PREP: variants seen among roughly 807,000 people sequenced by gnomAD.
PREP encodes prolyl endopeptidase.
In PREP, 29 loss-of-function variants were observed where a neutral mutation model predicts 87.6. The observed-to-expected ratio is 0.33, with a 90% CI of 0.25 to 0.45. PREP has a LOEUF of 0.45. Ranked by LOEUF, PREP falls within the 20% of genes least tolerant of loss-of-function variation. PREP has a pLI of 1.00. For missense variants in PREP, 695 were observed against 886.5 expected, an observed-to-expected ratio of 0.78 and a Z score of 2.74; for synonymous variants, 337 against 328.6, an observed-to-expected ratio of 1.03 and a Z score of -0.28.
chr6:105,300,646 A>G (rs2114626081), intron 10 of PREP, among the ~76,000 whole-genome samples: 1 of 152,308 alleles, frequency 6.6e-6, no homozygotes, highest in South Asian at 2.1e-4. Flanking sequence ...CTACTGAAGA[A>G]ATGGTGTACA....
At chr6:105,290,734 C>T (rs1004105485) in intron 10 of PREP, among the ~76,000 whole-genome samples, 1 of 152,190 alleles carries the variant, frequency 6.6e-6, no homozygotes, top group African/African-American at 2.4e-5. Flanking sequence ...CAAAGGCATC[C>T]TTGGAGAAAA....
intron 10 of PREP, among the ~76,000 whole-genome samples, chr6:105,320,732 T>G (rs1149322): frequency 0.032 from 4,868 of 152,308 alleles, 254 homozygotes; most frequent in African/African-American, 0.1. Flanking sequence ...TCAAGTCACC[T>G]ATGAGGTAAA....
rs145945948 is a variant in PREP, at chr6:105,384,451, A to G, written c.121-6932T>C. 5.1e-4 allele frequency among the ~76,000 whole-genome samples: 78 copies of G among 152,346 alleles called. No individual in the cohort carries two copies. In the East Asian group the frequency reaches 0.01, roughly 20 times the overall value. On this transcript the variant is annotated intron_variant, in intron 2 of 14. Coordinates refer to ENST00000652536, the MANE Select transcript of PREP (RefSeq NM_002726.5). ...CCCTCTTTCTCCATCAGATCGTATC[A>G]TCTGCAATTGAGCATTCTCAGTGAG...
chr6:105,350,126 TG>T lies in PREP; in HGVS notation c.823+2845del, dbSNP rs572616656. ...TCTGCAGATAGACTTTTTTTTGTTTTGTTTTTTTGGTGTCCTCAATCTAGTT... is the reference window on the plus strand; with the variant it reads ...TCTGCAGATAGACTTTTTTTTGTTTTTTTTTTTGGTGTCCTCAATCTAGTT... On this transcript the variant is annotated intron_variant, in intron 7 of 14. Transcript: ENST00000652536. Among the ~76,000 whole-genome samples the T allele has an allele frequency of 2.2e-4, 33 of 152,284 alleles. 1 individual carries two copies. Among genetic ancestry groups the T allele is most frequent in the Admixed American group, 2.0e-3 (30 of 15,294 alleles).
intron 11 of PREP, 126 bp from the exon 12 acceptor site, chr6:105,285,706 A>G: frequency 1.4e-6 from 1 of 699,232 alleles, no homozygotes; most frequent in Non-Finnish European, 2.5e-6. Context: ...TAGGAGCTTG[A>G]CATTTCTTTT....
chr6:105,333,237 A>T, intron 8 of PREP, 77 bp downstream of exon 8: 2 of 1,368,882 alleles, frequency 1.5e-6, no homozygotes, highest in Non-Finnish European at 2.1e-6. Flanking sequence ...AGATCACTAG[A>T]GAATGAGAGA....
At chr6:105,352,167 A>G (rs954228228) in intron 7 of PREP, among the ~76,000 whole-genome samples, 6 of 152,204 alleles carry the variant, frequency 3.9e-5, no homozygotes, top group Admixed American at 3.3e-4. Flanking sequence ...TGCATTAACT[A>G]GAAGATAATG....
chr6:105,353,465 T>C (rs1203568581), intron 6 of PREP, among the ~76,000 whole-genome samples: 1 of 152,122 alleles, frequency 6.6e-6, no homozygotes, highest in Non-Finnish European at 1.5e-5. Flanking sequence ...AGTTTGTTGT[T>C]CTCAATAAAA....
chr6:105,373,617 G>T, intron 4 of PREP, 39 bp from the exon 5 acceptor site: 2 of 1,571,464 alleles, frequency 1.3e-6, no homozygotes, highest in Middle Eastern at 1.7e-4. Context: ...GACAAACACG[G>T]AACACAACTC....
intron 11 of PREP, among the ~76,000 whole-genome samples, chr6:105,285,925 G>A (rs532710182): frequency 7.9e-5 from 12 of 152,080 alleles, no homozygotes; most frequent in Non-Finnish European, 1.5e-4. Flanking sequence ...ACAGGTGTGC[G>A]CCACCATGCC....
rs149976302 is a variant in PREP at position 105,385,217 on chromosome 6, G to C, written c.121-7698C>G. The stretch of plus-strand genomic sequence containing the variant: ...AAAATAAAAAATTTTAAAATAACAA[G>C]AGAAAATAAGAAATCAATGAACTAG... On this transcript the variant is annotated intron_variant, in intron 2 of 14. Coordinates refer to ENST00000652536, the MANE Select transcript of PREP (RefSeq NM_002726.5). 1.1e-3 allele frequency among the ~76,000 whole-genome samples: 150 copies of C among 136,894 alleles called. 1 individual carries two copies. The highest frequency in any genetic ancestry group is 3.9e-3 in the African/African-American group (143 of 36,908). 89.8% of individuals were successfully genotyped at this position (136,894 alleles called of 152,430 possible).
intron 14 of PREP, 103 bp downstream of exon 14, chr6:105,281,643 G>A (rs573099119): frequency 4.3e-6 from 6 of 1,387,938 alleles, no homozygotes; most frequent in African/African-American, 2.9e-5. Context: ...ATATGCAAAT[G>A]CAAGACCCTG....
chr6:105,354,643 C>T (rs1772044619), intron 6 of PREP, among the ~76,000 whole-genome samples: 1 of 152,024 alleles, frequency 6.6e-6, no homozygotes, highest in African/African-American at 2.4e-5. Flanking sequence ...GAACACTGAC[C>T]TCTGCTGAAC....
rs1769985061 is a variant in PREP at position 105,278,091 on chromosome 6, T to C, written c.*53A>G. ...GCCCAGTGGTTTCTTGGTGTCAACG[T>C]GGGAAAGCCCTTGAGGTTTTCTGTC... On this transcript the variant is annotated 3_prime_UTR_variant, in exon 15 of 15. Transcript: ENST00000652536. The surrounding 1 kb of genome is among the most constrained non-coding windows in gnomAD (Gnocchi z 4.2). 2 of 1,561,092 alleles carry C rather than the reference T, an allele frequency of 1.3e-6. No individual in the cohort carries two copies. The highest frequency in any genetic ancestry group is 1.7e-5 in the Admixed American group (1 of 57,252).
At chr6:105,302,743 C>A in intron 10 of PREP, 1 of 506,592 alleles carries the variant, frequency 2.0e-6, no homozygotes, top group South Asian at 1.6e-5. Flanking sequence ...GCTGGGACAG[C>A]TCCACCTTCA....
At chr6:105,279,512 G>A (rs1372582089) in intron 14 of PREP, among the ~76,000 whole-genome samples, 2 of 152,200 alleles carry the variant, frequency 1.3e-5, no homozygotes, top group Non-Finnish European at 2.9e-5. Flanking sequence ...TACATTATCT[G>A]TAGGAAAAAA....
At chr6:105,284,804 C>T (rs552092175) in intron 12 of PREP, among the ~76,000 whole-genome samples, 12 of 152,238 alleles carry the variant, frequency 7.9e-5, no homozygotes, top group Admixed American at 7.2e-4. Context: ...AAAATACAGA[C>T]GATCATTCAA....
At chr6:105,302,480 C>T (rs1562192405) in intron 10 of PREP, 2 of 317,984 alleles carry the variant, frequency 6.3e-6, no homozygotes, top group Non-Finnish European at 1.2e-5. Context: ...ACTTCTGCAG[C>T]GGGTACGGCC....
intron 9 of PREP, among the ~76,000 whole-genome samples, chr6:105,325,980 T>C (rs1771144136): frequency 6.6e-6 from 1 of 152,068 alleles, no homozygotes; most frequent in African/African-American, 2.4e-5. Flanking sequence ...GTAGGAGTAG[T>C]CAGGAGAAAG....
Sources: gnomAD v4.1 joint callset for allele counts (sites outside exome capture counted in the v4.1 genomes callset) on GRCh38, gnomAD v4.1.1 for gene constraint, Gnocchi (gnomAD v3.1) non-coding constraint, MANE v1.5 for transcripts, NCBI Gene and HGNC (gene_info 2026-07-23, HGNC 2026-07-21) for gene names.